The following WDR97 variants were observed in gnomAD, a reference collection of about 807,000 sequenced individuals.
WDR97 encodes the protein WD repeat-containing protein 97.
In WDR97, 111 loss-of-function variants were observed where a neutral mutation model predicts 65.4. The ratio of observed to expected loss-of-function variants is 1.70; its 90% CI spans 1.45 to 1.99. The LOEUF is 1.99. Among genes scored for constraint, WDR97 ranks in the 30% most tolerant of loss-of-function variants. The pLI is 0.00. For missense variants in WDR97, 1,674 were observed against 865.0 expected (o/e 1.94, Z -11.73); for synonymous variants, 802 against 397.7 (o/e 2.02, Z -12.10).
Position 144,117,626 on chromosome 8 carries a change from G to GTTTTGTTTTGTTTTGT in WDR97, c.*1337_*1338insGTTTTGTTTTGTTTTT, listed in dbSNP as rs1554768019. 6.6e-6 allele frequency: 1 copy of GTTTTGTTTTGTTTTGT among 152,646 alleles called. No homozygotes were observed. The highest frequency in any genetic ancestry group is 6.6e-5 in the Admixed American group (1 of 15,256). 9.5% of individuals were successfully genotyped at this position (152,646 alleles called of 1,614,324 possible). On this transcript the variant is annotated 3_prime_UTR_variant, in exon 24 of 24. Coordinates refer to ENST00000323662, the MANE Select transcript of WDR97 (RefSeq NM_001316309.2). ...GTTTTGTTTTGTTTTGTTTTGTTTT[G>GTTTTGTTTTGTTTTGT]TTTTTTGAGATGGAGTTTCAGTCTT... is the stretch of plus-strand genomic sequence containing the variant.
At chr8:144,114,255 G>A (rs758715228) in intron 18 of WDR97, 23 bp from the exon 19 acceptor site, 7 of 696,152 alleles carry the variant, frequency 1.0e-5, no homozygotes, top group South Asian at 8.9e-5. Flanking sequence ...ATGGGAGCAG[G>A]GCCTCAGCAT....
rs563456119 is a variant in WDR97 at position 144,108,784 on chromosome 8, C to G, written c.718C>G (p.His240Asp). Residue 240 changes from histidine (H) to aspartate (D), a missense_variant, in exon 3 of 24, where the codon CAC becomes GAC. Physicochemically the swap from His to Asp is moderately conservative, Grantham distance 81. Transcript: ENST00000323662. ...RRLVLRGSALHPPPSPTGRLM... is the reference protein window; with the variant it reads ...RRLVLRGSALDPPPSPTGRLM... ...CCTGGTGCTGCGAGGGTCAGCACTG[C>G]ACCCGCCCCCGAGCCCAACAGGCAG... 2 of 702,512 alleles carry G rather than the reference C, an allele frequency of 2.8e-6. No homozygotes were observed. The highest frequency in any genetic ancestry group is 5.4e-5 in the East Asian group (2 of 37,276). The allele number at this position is 702,512 out of a possible 1,614,324, so 43.5% of individuals were successfully genotyped here. A position where few individuals can be genotyped will look rare whatever the true frequency, so the allele number is the denominator to read the frequency against.
rs374296026 is a variant in WDR97, at chr8:144,110,217, G to A, written c.1804G>A (p.Val602Ile). The change falls in exon 6 of 24, where the codon GTC becomes ATC. Residue 602 changes from valine to isoleucine, a missense_variant. Physicochemically the swap from Val to Ile is conservative, Grantham distance 29. Transcript: ENST00000323662. ...QTEAHSPGPV[V>I]AIASTWNSIV... ...GGAGGCGCACAGCCCGGGCCCGGTTGTCGCCATCGCATCCACCTGGAACAG... is the reference window on the plus strand; with the variant it reads ...GGAGGCGCACAGCCCGGGCCCGGTTATCGCCATCGCATCCACCTGGAACAG... 10 of 702,954 alleles carry A rather than the reference G, an allele frequency of 1.4e-5. No individual in the cohort carries two copies. The African/African-American group carries it at 1.7e-4, about 12-fold the overall frequency. The allele number at this position is 702,954 out of a possible 1,614,324, so 43.5% of individuals were successfully genotyped here. A position where few individuals can be genotyped will look rare whatever the true frequency, so the allele number is the denominator to read the frequency against.
intron 15 of WDR97, chr8:144,112,914 A>C: frequency 3.2e-6 from 1 of 311,566 alleles, no homozygotes. Context: ...AGTCAAGGGA[A>C]CCTGGCCCTT....
chr8:144,116,376 A>T lies in WDR97; in HGVS notation c.*83A>T. ...GGCCTGCATCGGGAATAAAGTCCAG[A>T]GAATTTCTTTCTGCAGGATGCCGCC... On this transcript the variant is annotated 3_prime_UTR_variant, in exon 24 of 24. Transcript: ENST00000323662. 3.6e-6 allele frequency: 2 copies of T among 559,484 alleles called. No individual in the cohort carries two copies. Among genetic ancestry groups the T allele is most frequent in the Non-Finnish European group, 6.3e-6 (2 of 316,126 alleles). 34.7% of individuals were successfully genotyped at this position (559,484 alleles called of 1,614,324 possible). A position where few individuals can be genotyped will look rare whatever the true frequency, so the allele number is the denominator to read the frequency against.
In WDR97 at chr8:144,114,543, G is replaced by C. The variant is rs536507470; in HGVS notation, c.3793-11G>C. ...GGCCCTCAGCAACCACATCCCCACC[G>C]CCTGCCTCAGGACCAGACACAGAAG... On this transcript the variant is annotated splice_polypyrimidine_tract_variant and intron_variant, in intron 19 of 23. Coordinates refer to ENST00000323662, the MANE Select transcript of WDR97 (RefSeq NM_001316309.2). The C allele has an allele frequency of 2.9e-6, 2 of 701,536 alleles. No individual in the cohort carries two copies. The highest frequency in any genetic ancestry group is 5.2e-6 in the Non-Finnish European group (2 of 384,710). 43.5% of individuals were successfully genotyped at this position (701,536 alleles called of 1,614,324 possible).
rs1419722298 is a variant in WDR97, at chr8:144,110,159, G to A, written c.1746G>A (p.Leu582=). 1.4e-6 allele frequency: 1 copy of A among 702,898 alleles called. No homozygotes were observed. 43.5% of individuals were successfully genotyped at this position (702,898 alleles called of 1,614,324 possible). Residue 582 remains leucine (L), a synonymous_variant, in exon 6 of 24, where the codon CTG becomes CTA. Coordinates refer to ENST00000323662, the MANE Select transcript of WDR97 (RefSeq NM_001316309.2). The part of the protein sequence containing the change: ...VGHTDGTLSV[L]EWLSSKTVFQ... ...ACACGGACGGCACGCTGTCGGTGCT[G>A]GAGTGGCTCTCGTCGAAGACTGTCT... is the stretch of plus-strand genomic sequence containing the variant.
In WDR97 at chr8:144,108,033, G is replaced by A. The variant is rs932565109; in HGVS notation, c.113-26G>A. On this transcript the variant is annotated intron_variant, in intron 1 of 23. Transcript: ENST00000323662. ...GGTCGAGGACCTGAGGCTGTAGGTG[G>A]CAGAACTTCCAGTTCCTGCCCGCAG... 2.0e-5 allele frequency: 14 copies of A among 702,664 alleles called. No homozygotes were observed. In the Admixed American group the frequency reaches 2.0e-4, roughly 10 times the overall value. The allele number at this position is 702,664 out of a possible 1,614,324, so 43.5% of individuals were successfully genotyped here.
At position 144,109,650 on chromosome 8, in the gene WDR97, AC is replaced by A; in HGVS notation, c.1318del (p.Gln440SerfsTer26). 1 of 672,396 alleles carries A rather than the reference AC, an allele frequency of 1.5e-6. No homozygotes were observed. Among genetic ancestry groups the A allele is most frequent in the Non-Finnish European group, 2.7e-6 (1 of 371,956 alleles). The allele number at this position is 672,396 out of a possible 1,614,324, so 41.7% of individuals were successfully genotyped here. A position where few individuals can be genotyped will look rare whatever the true frequency, so the allele number is the denominator to read the frequency against. On this transcript the variant is annotated frameshift_variant, in exon 5 of 24. Coordinates refer to ENST00000323662, the MANE Select transcript of WDR97 (RefSeq NM_001316309.2). LOFTEE classifies it high-confidence loss of function. Reference sequence around the variant, plus strand: ...GCGCCCGCGTTGCCCGCGCCTGCGCACCAGTCGCTGCCTACGCGCCTCGTGT... The same window carrying A: ...GCGCCCGCGTTGCCCGCGCCTGCGCACAGTCGCTGCCTACGCGCCTCGTGT... Reference protein sequence around the residue: ...QVAPALPAPAHQSLPTRLVCA... With the variant: ...QVAPALPAPAXQSLPTRLVCA...
At position 144,114,862 on chromosome 8, in the gene WDR97, T is replaced by C. The variant is rs1235997998; in HGVS notation, c.4028T>C (p.Leu1343Pro). 2 of 702,154 alleles carry C rather than the reference T, an allele frequency of 2.8e-6. No homozygotes were observed. Among genetic ancestry groups the C allele is most frequent in the Admixed American group, 2.0e-5 (1 of 49,808 alleles). 43.5% of individuals were successfully genotyped at this position (702,154 alleles called of 1,614,324 possible). A position where few individuals can be genotyped will look rare whatever the true frequency, so the allele number is the denominator to read the frequency against. The change falls in exon 21 of 24, where the codon CTG becomes CCG. Residue 1343 changes from leucine (L) to proline (P), a missense_variant. Transcript: ENST00000323662. ...CCAGACCTGGACTCCAAGGCCGGCCTGCGCACTTGCTGCCACCAGAAACTG... is the reference window on the plus strand; with the variant it reads ...CCAGACCTGGACTCCAAGGCCGGCCCGCGCACTTGCTGCCACCAGAAACTG... Reference protein sequence around the residue: ...QGPDLDSKAGLRTCCHQKLED... With the variant: ...QGPDLDSKAGPRTCCHQKLED...
chr8:144,112,356 G>A lies in WDR97; in HGVS notation c.3021+7G>A. 1.4e-6 allele frequency: 1 copy of A among 702,616 alleles called. No individual in the cohort carries two copies. Among genetic ancestry groups the A allele is most frequent in the Non-Finnish European group, 2.6e-6 (1 of 384,872 alleles). 43.5% of individuals were successfully genotyped at this position (702,616 alleles called of 1,614,324 possible). A position where few individuals can be genotyped will look rare whatever the true frequency, so the allele number is the denominator to read the frequency against. ...CTCCCACTTGCAGTGCAGGGTGAGG[G>A]ACCCAGGCAGGTGGGGTACCACCTA... On this transcript the variant is annotated splice_region_variant and intron_variant, in intron 14 of 23. Coordinates refer to ENST00000323662, the MANE Select transcript of WDR97 (RefSeq NM_001316309.2).
Position 144,113,693 on chromosome 8 carries a change from C to T in WDR97, c.3220C>T (p.Pro1074Ser), listed in dbSNP as rs1836592321. 1 of 674,446 alleles carries T rather than the reference C, an allele frequency of 1.5e-6. No individual in the cohort carries two copies. Among genetic ancestry groups the T allele is most frequent in the African/African-American group, 1.8e-5 (1 of 56,814 alleles). The allele number at this position is 674,446 out of a possible 1,614,324, so 41.8% of individuals were successfully genotyped here. Residue 1074 changes from proline (P) to serine (S), a missense_variant, in exon 17 of 24, where the codon CCC becomes TCC. Physicochemically the swap from Pro to Ser is moderately conservative, Grantham distance 74. Transcript: ENST00000323662. ...CCAGGATGCCCTGTGGTTGTGGCGC[C>T]CCAGGCCATCCCAAACCCAGTGGCA... ...ASQDALWLWR[P>S]RPSQTQWQRK...
rs1178955042 is a variant in WDR97 at position 144,112,886 on chromosome 8, T to C, written c.3105+356T>C. 8 of 366,472 alleles carry C rather than the reference T, an allele frequency of 2.2e-5. No homozygotes were observed. In the East Asian group the frequency reaches 3.9e-4, roughly 18 times the overall value. The allele number at this position is 366,472 out of a possible 1,614,324, so 22.7% of individuals were successfully genotyped here. On this transcript the variant is annotated intron_variant, in intron 15 of 23. Transcript: ENST00000323662. ...ACTTTTCCTGGAAGATCAGAATCCC[T>C]GCCCTTTAGAGGAGCAAAGTCAAGG...
At chr8:144,114,936 G>A (rs1408009826) in intron 21 of WDR97, 25 bp downstream of exon 21, 6 of 668,014 alleles carry the variant, frequency 9.0e-6, no homozygotes, top group East Asian at 8.1e-5. Flanking sequence ...GGCCGGGGGG[G>A]CCTTGGGAAC....
chr8:144,112,819 C>T, intron 15 of WDR97: 1 of 512,608 alleles, frequency 2.0e-6, no homozygotes, highest in Non-Finnish European at 3.5e-6. Context: ...GCCACACACC[C>T]CTTTCCCCCG....
intron 3 of WDR97, 32 bp from the exon 4 acceptor site, chr8:144,109,017 T>G: frequency 1.4e-6 from 1 of 703,066 alleles, no homozygotes. Flanking sequence ...CGATGTTAAG[T>G]CCATTGGGAT....
At position 144,111,983 on chromosome 8, in the gene WDR97, C is replaced by T; in HGVS notation, c.2734C>T (p.His912Tyr). 1.4e-6 allele frequency: 1 copy of T among 702,594 alleles called. No individual in the cohort carries two copies. Among genetic ancestry groups the T allele is most frequent in the South Asian group, 1.5e-5 (1 of 67,600 alleles). 43.5% of individuals were successfully genotyped at this position (702,594 alleles called of 1,614,324 possible). A position where few individuals can be genotyped will look rare whatever the true frequency, so the allele number is the denominator to read the frequency against. Reference protein sequence around the residue: ...RDVCAVPQAAHCLARAEVSTA... With the variant: ...RDVCAVPQAAYCLARAEVSTA... ...TGTGTGTGCTGTACCCCAAGCTGCCCACTGTCTTGCCCGGGCTGAGGTCAG... is the reference window on the plus strand; with the variant it reads ...TGTGTGTGCTGTACCCCAAGCTGCCTACTGTCTTGCCCGGGCTGAGGTCAG... The change falls in exon 13 of 24, where the codon CAC becomes TAC. Residue 912 changes from histidine (H) to tyrosine (Y), a missense_variant. By Grantham distance (83) the His-to-Tyr change is moderately conservative. Transcript: ENST00000323662.
intron 4 of WDR97, 73 bp from the exon 5 acceptor site, chr8:144,109,262 C>T: frequency 1.4e-6 from 1 of 698,948 alleles, no homozygotes; most frequent in South Asian, 1.5e-5. Flanking sequence ...CCAGGCCTTG[C>T]TGCGCTGACT....
intron 15 of WDR97, chr8:144,113,224 G>T (rs1836582931): frequency 1.7e-6 from 1 of 581,946 alleles, no homozygotes; most frequent in African/African-American, 1.9e-5. Context: ...GTTTGTCAGA[G>T]CTGATGCTCA....
Sources: allele counts gnomAD v4.1 joint callset, GRCh38; gene constraint gnomAD v4.1.1; transcripts MANE v1.5; gene names NCBI Gene and HGNC (gene_info 2026-07-23, HGNC 2026-07-21).